Variants in RFX7 observed in about 807,000 individuals in gnomAD.
RFX7 encodes DNA-binding protein RFX7.
Under a neutral mutation model 111.8 loss-of-function variants are expected in RFX7, and 26 were observed. That is an observed-to-expected ratio of 0.23 (90% CI 0.17 to 0.32). The LOEUF (loss-of-function observed/expected upper bound fraction) is 0.32. Among genes scored for constraint, RFX7 ranks in the 10% least tolerant of loss-of-function variants. The pLI is 1.00. For missense variants in RFX7, 1,573 were observed against 1,772.9 expected, an observed-to-expected ratio of 0.89 and a Z score of 2.02; for synonymous variants, 624 against 624.4, an observed-to-expected ratio of 1.00 and a Z score of 0.01.
chr15:56,142,517 C>T (rs1394101362), intron 5 of RFX7, among the ~76,000 whole-genome samples: 5 of 152,174 alleles, frequency 3.3e-5, no homozygotes, highest in African/African-American at 7.2e-5. Context: ...ACCAATCCTA[C>T]ACCACTGTCC....
intron 3 of RFX7, among the ~76,000 whole-genome samples, chr15:56,160,515 G>A (rs1595977659): frequency 6.6e-6 from 1 of 151,862 alleles, no homozygotes; most frequent in Admixed American, 6.6e-5. Context: ...CTTGATTTAA[G>A]CTTCAAAAAC....
intron 2 of RFX7, among the ~76,000 whole-genome samples, chr15:56,220,521 G>A (rs191384776): frequency 3.9e-4 from 59 of 151,106 alleles, no homozygotes; most frequent in Middle Eastern, 6.8e-3. Context: ...GGGAGCCACC[G>A]CACCTAGCCA....
In RFX7 at chr15:56,096,097, G is replaced by A. The variant is rs865850984; in HGVS notation, c.1631C>T (p.Ser544Leu). 6.2e-7 allele frequency: 1 copy of A among 1,613,696 alleles called. No homozygotes were observed. The highest frequency in any genetic ancestry group is 1.1e-5 in the South Asian group (1 of 91,020). Residue 544 changes from serine (S) to leucine (L), a missense_variant, in exon 10 of 10, where the codon TCA becomes TTA. Ser to Leu is a moderately radical substitution (Grantham distance 145). Coordinates refer to ENST00000559447, the MANE Select transcript of RFX7 (RefSeq NM_022841.7). ...AVEVKVEPET[S>L]SDEHPVQCQE... ...GCACTGTACAGGATGCTCATCTGAT[G>A]ATGTTTCGGGTTCCACTTTGACTTC...
At chr15:56,193,430 A>G (rs1273406730) in intron 2 of RFX7, among the ~76,000 whole-genome samples, 1 of 152,222 alleles carries the variant, frequency 6.6e-6, no homozygotes, top group Non-Finnish European at 1.5e-5. Context: ...TGTATGCTCA[A>G]CATTAATATT....
chr15:56,202,613 C>T (rs1007945468), intron 2 of RFX7, among the ~76,000 whole-genome samples: 9 of 152,064 alleles, frequency 5.9e-5, no homozygotes, highest in South Asian at 2.1e-4. Context: ...AAACCAACTT[C>T]GACAACACAG....
chr15:56,142,824 G>A lies in RFX7; in HGVS notation c.355C>T (p.His119Tyr), dbSNP rs376758862. Residue 119 changes from histidine (H) to tyrosine (Y), a missense_variant, in exon 5 of 10, where the codon CAT becomes TAT. His to Tyr is a moderately conservative substitution (Grantham distance 83, BLOSUM62 2). Around this residue, in one of 7 missense-constraint regions of RFX7, gnomAD observed 191 missense variants for 194.2 expected, o/e 0.98. Coordinates refer to ENST00000559447, the MANE Select transcript of RFX7 (RefSeq NM_022841.7). ...FSWIRNTLEE[H>Y]PETSLPKQEV... ...TGTTTGGGCAGTGAAGTCTCCGGAT[G>A]TTCCTCTAGGGTATTCCGAATCCAG... 6.2e-7 allele frequency: 1 copy of A among 1,613,432 alleles called. No homozygotes were observed.
At position 56,179,471 on chromosome 15, in the gene RFX7, A is replaced by C. The variant is rs146660572; in HGVS notation, c.162-168T>G. Among the ~76,000 whole-genome samples, 164 of 152,292 alleles carry C rather than the reference A, an allele frequency of 1.1e-3. 1 individual carries two copies. The highest frequency in any genetic ancestry group is 3.8e-3 in the African/African-American group (157 of 41,580). On this transcript the variant is annotated intron_variant, in intron 2 of 9. Coordinates refer to ENST00000559447, the MANE Select transcript of RFX7 (RefSeq NM_022841.7). Reference sequence around the variant, plus strand: ...AAATCTGTGTTTTTCACAAAGCAAAACAAAAATCTATTTCCCATTTACTGT... The same window carrying C: ...AAATCTGTGTTTTTCACAAAGCAAACCAAAAATCTATTTCCCATTTACTGT...
intron 2 of RFX7, among the ~76,000 whole-genome samples, chr15:56,179,974 T>C (rs1446388490): frequency 6.6e-6 from 1 of 152,280 alleles, no homozygotes; most frequent in Non-Finnish European, 1.5e-5. Context: ...TGTTAATATA[T>C]AACACAAATG....
At chr15:56,101,747 T>C (rs1203523830) in intron 7 of RFX7, among the ~76,000 whole-genome samples, 181 bp from the exon 8 acceptor site, 1 of 152,244 alleles carries the variant, frequency 6.6e-6, no homozygotes, top group East Asian at 1.9e-4. Flanking sequence ...TACCCACTAG[T>C]GCACAGCAGT....
At chr15:56,238,085 T>C (rs1466027799) in intron 2 of RFX7, among the ~76,000 whole-genome samples, 2 of 152,210 alleles carry the variant, frequency 1.3e-5, no homozygotes, top group African/African-American at 2.4e-5. Context: ...TTATAGTACA[T>C]GTTTTCCACT....
intron 9 of RFX7, among the ~76,000 whole-genome samples, chr15:56,097,168 G>A (rs1004881849): frequency 6.6e-6 from 1 of 152,034 alleles, no homozygotes; most frequent in Non-Finnish European, 1.5e-5. Flanking sequence ...CAAGAAAAAC[G>A]ACAAAATACT....
chr15:56,140,503 T>C (rs1344437434), intron 5 of RFX7, among the ~76,000 whole-genome samples: 1 of 152,204 alleles, frequency 6.6e-6, no homozygotes, highest in Non-Finnish European at 1.5e-5. Context: ...CCCACTGACC[T>C]GCGCCCACTG....
chr15:56,130,113 A>C (rs1424867503), intron 5 of RFX7, among the ~76,000 whole-genome samples: 1 of 152,202 alleles, frequency 6.6e-6, no homozygotes, highest in Non-Finnish European at 1.5e-5. Flanking sequence ...AACTGTGATA[A>C]AGAATCTCAC....
chr15:56,103,984 G>C (rs1236808090), intron 5 of RFX7, among the ~76,000 whole-genome samples: 1 of 152,190 alleles, frequency 6.6e-6, no homozygotes, highest in African/African-American at 2.4e-5. Flanking sequence ...AGCTCAGCCA[G>C]TAGGGCTGTA....
chr15:56,201,643 A>G (rs569096511), intron 2 of RFX7, among the ~76,000 whole-genome samples: 38 of 152,334 alleles, frequency 2.5e-4, no homozygotes, highest in African/African-American at 8.2e-4. Context: ...TGCCTAAAGC[A>G]TAATTCTATG....
intron 3 of RFX7, among the ~76,000 whole-genome samples, chr15:56,146,454 G>A (rs2042473726): frequency 6.6e-6 from 1 of 151,782 alleles, no homozygotes; most frequent in South Asian, 2.1e-4. Flanking sequence ...TTAAGAGAAG[G>A]TTATAATAAT....
intron 2 of RFX7, among the ~76,000 whole-genome samples, chr15:56,202,463 G>C (rs1221019369): frequency 6.6e-6 from 1 of 152,128 alleles, no homozygotes; most frequent in Admixed American, 6.5e-5. Flanking sequence ...AGTGGCTACT[G>C]TACTGGACAG....
At chr15:56,201,379 C>A (rs906220374) in intron 2 of RFX7, among the ~76,000 whole-genome samples, 1 of 152,166 alleles carries the variant, frequency 6.6e-6, no homozygotes, top group Non-Finnish European at 1.5e-5. Context: ...TATTAAAATT[C>A]TCTTCCACAA....
At position 56,098,368 on chromosome 15, in the gene RFX7, C is replaced by CTTTCATTCCTGAAAATAAACAGAATTA; in HGVS notation, c.819_820insTAATTCTGTTTATTTTCAGGAATGAAA (p.Lys273_Gly274insTer). On this transcript the variant is annotated stop_gained and inframe_insertion, in exon 9 of 10. Transcript: ENST00000559447. LOFTEE classifies it high-confidence loss of function. The stretch of plus-strand genomic sequence containing the variant: ...ATAAAAGCAGAAGGCTGGGTAATTC[C>CTTTCATTCCTGAAAATAAACAGAATTA]TTTCATTCCTGAAAATAAACAGAAA... 5.7e-6 allele frequency: 9 copies of CTTTCATTCCTGAAAATAAACAGAATTA among 1,589,558 alleles called. No homozygotes were observed. In the East Asian group the frequency reaches 2.0e-4, roughly 36 times the overall value.
Sources: allele counts gnomAD v4.1 joint callset (sites outside exome capture counted in the v4.1 genomes callset), GRCh38; gene constraint gnomAD v4.1.1; regional missense constraint gnomAD v4.1.1; transcripts MANE v1.5; gene names NCBI Gene and HGNC (gene_info 2026-07-23, HGNC 2026-07-21).